TOGARAM2: variants seen among roughly 807,000 people sequenced by gnomAD.
TOGARAM2 encodes the protein TOG array regulator of axonemal microtubules 2.
A neutral mutation model predicts 93.3 loss-of-function variants in TOGARAM2; 85 were observed. The observed-to-expected ratio is 0.91, with a 90% CI of 0.76 to 1.09. TOGARAM2 has a LOEUF of 1.09. Among genes scored for constraint, TOGARAM2 ranks in the 50% least tolerant of loss-of-function variants. The pLI, the probability that TOGARAM2 is intolerant of heterozygous loss-of-function variation, is 0.00. For missense variants in TOGARAM2, 1,277 were observed against 1,334.5 expected, an observed-to-expected ratio of 0.96 and a Z score of 0.67; for synonymous variants, 593 against 552.8, an observed-to-expected ratio of 1.07 and a Z score of -1.02.
chr2:28,974,529 C>T (rs1312989780), intron 1 of TOGARAM2, among the ~76,000 whole-genome samples: 1 of 151,996 alleles, frequency 6.6e-6, no homozygotes, highest in African/African-American at 2.4e-5. Context: ...AGACCCACAC[C>T]CTTTCTCCTC....
At position 29,052,052 on chromosome 2, in the gene TOGARAM2, A is replaced by G. The variant is rs1306530276; in HGVS notation, c.3019A>G (p.Ser1007Gly). Residue 1007 changes from serine (S) to glycine (G), a missense_variant, in exon 20 of 20, where the codon AGC becomes GGC. Physicochemically the swap from Ser to Gly is moderately conservative, Grantham distance 56 (BLOSUM62 0). Transcript: ENST00000379558. Reference protein sequence around the residue: ...KATDRGVAPDSKTTGSSYPFQ... With the variant: ...KATDRGVAPDGKTTGSSYPFQ... ...CACTGACAGAGGGGTGGCCCCTGAC[A>G]GCAAGACAACTGGCAGCTCATACCC... The G allele has an allele frequency of 1.2e-6, 2 of 1,600,312 alleles. No individual in the cohort carries two copies. Among genetic ancestry groups the G allele is most frequent in the South Asian group, 1.1e-5 (1 of 90,732 alleles).
In TOGARAM2 at chr2:29,036,592, C is replaced by T. The variant is rs770365628; in HGVS notation, c.2470C>T (p.Gln824Ter). Reference protein sequence around the residue: ...RLQDSNKKVNQWALESFAKMI... With the variant: ...RLQDSNKKVN ...TCAGGATTCCAACAAGAAAGTGAAC[C>T]AGTGGGCGCTGGAGTCCTTCGCCAA... is the stretch of plus-strand genomic sequence containing the variant. Residue 824 changes from glutamine (Q) to a stop codon, truncating the protein, a stop_gained, in exon 18 of 20, where the codon CAG (glutamine) becomes TAG (stop). Coordinates refer to ENST00000379558, the MANE Select transcript of TOGARAM2 (RefSeq NM_199280.4). LOFTEE classifies it high-confidence loss of function. The T allele has an allele frequency of 6.2e-7, 1 of 1,614,010 alleles. No individual in the cohort carries two copies. Among genetic ancestry groups the T allele is most frequent in the South Asian group, 1.1e-5 (1 of 91,084 alleles).
intron 14 of TOGARAM2, among the ~76,000 whole-genome samples, chr2:29,030,952 C>A (rs370119946): frequency 3.3e-5 from 5 of 152,318 alleles, no homozygotes; most frequent in African/African-American, 1.2e-4. Context: ...CCAAGTCTGC[C>A]TCTCTGTGTT....
rs1414763286 is a variant in TOGARAM2 at position 29,036,657 on chromosome 2, G to A, written c.2535G>A (p.Leu845=). 9 of 1,613,884 alleles carry A rather than the reference G, an allele frequency of 5.6e-6. No individual in the cohort carries two copies. Among genetic ancestry groups the A allele is most frequent in the Non-Finnish European group, 7.6e-6 (9 of 1,179,896 alleles). Residue 845 remains leucine, a synonymous_variant, in exon 18 of 20, where the codon CTG becomes CTA. Transcript: ENST00000379558. ...PLLRESLHPM[L]LSIIITVADN... is the part of the protein sequence containing the mutation. ...TCAGAGAGAGCTTACACCCCATGCT[G>A]CTCTCCATCATCATCACTGTTGCAG...
intron 12 of TOGARAM2, among the ~76,000 whole-genome samples, chr2:29,023,629 G>A (rs945383377): frequency 3.3e-5 from 5 of 152,156 alleles, no homozygotes; most frequent in Admixed American, 2.6e-4. Flanking sequence ...CCTTGGGAGT[G>A]GGCTGCTCCA....
intron 3 of TOGARAM2, among the ~76,000 whole-genome samples, 166 bp from the exon 4 acceptor site, chr2:28,999,015 T>G (rs1232533033): frequency 6.6e-6 from 1 of 152,180 alleles, no homozygotes; most frequent in Non-Finnish European, 1.5e-5. Context: ...TCAGAGACAC[T>G]GTCGAATGAA....
At position 29,033,006 on chromosome 2, in the gene TOGARAM2, C is replaced by G; in HGVS notation, c.2085C>G (p.Leu695=). Residue 695 remains leucine, a synonymous_variant, in exon 15 of 20, where the codon CTC becomes CTG. Transcript: ENST00000379558. The stretch of plus-strand genomic sequence containing the variant: ...TTGATGCATTTCTGAAGCAATCTCT[C>G]CCATCTTACGACTTGCAGAAGGTCA... ...TKFDAFLKQS[L]PSYDLQKVMA... is the part of the protein sequence containing the mutation. 1 of 1,613,902 alleles carries G rather than the reference C, an allele frequency of 6.2e-7. No individual in the cohort carries two copies. Among genetic ancestry groups the G allele is most frequent in the Non-Finnish European group, 8.5e-7 (1 of 1,179,874 alleles).
At chr2:29,040,650 T>C (rs947840330) in intron 18 of TOGARAM2, among the ~76,000 whole-genome samples, 1 of 152,192 alleles carries the variant, frequency 6.6e-6, no homozygotes, top group South Asian at 2.1e-4. Context: ...ATACAGGGGA[T>C]TGAGGCCCTG....
chr2:29,006,125 G>C (rs1381948314), intron 6 of TOGARAM2, among the ~76,000 whole-genome samples: 1 of 48,904 alleles, frequency 2.0e-5, no homozygotes, highest in African/African-American at 5.5e-5. Flanking sequence ...ATATGTGTGT[G>C]CATGTGTGTG....
chr2:29,006,799 G>A (rs74627108), intron 6 of TOGARAM2, among the ~76,000 whole-genome samples: 10,093 of 151,956 alleles, frequency 0.066, 834 homozygotes, highest in African/African-American at 0.18. Context: ...ACTGACCTCC[G>A]CCTCCTCACC....
chr2:28,975,319 G>T (rs974382497), intron 1 of TOGARAM2, among the ~76,000 whole-genome samples: 2 of 151,984 alleles, frequency 1.3e-5, no homozygotes, highest in African/African-American at 4.8e-5. Flanking sequence ...CTCCTGAGTA[G>T]TTGGGACTAC....
At chr2:29,004,516 G>T (rs1217735520) in intron 6 of TOGARAM2, among the ~76,000 whole-genome samples, 1 of 152,204 alleles carries the variant, frequency 6.6e-6, no homozygotes, top group Non-Finnish European at 1.5e-5. Flanking sequence ...GCTCTAGATG[G>T]CCAGCAACAT....
intron 7 of TOGARAM2, among the ~76,000 whole-genome samples, chr2:29,012,329 G>A (rs1315841066): frequency 1.3e-5 from 2 of 152,182 alleles, no homozygotes; most frequent in Admixed American, 6.5e-5. Context: ...GGCAGTTGGC[G>A]AAGGGGGGTG....
intron 6 of TOGARAM2, among the ~76,000 whole-genome samples, chr2:29,006,116 TA>T (rs1386160298): frequency 2.0e-4 from 13 of 65,658 alleles, no homozygotes; most frequent in African/African-American, 5.5e-4. Context: ...GTGGAGTGCA[TA>T]TGTGTGTGCA....
At chr2:29,022,050 C>T (rs1664985151) in intron 10 of TOGARAM2, 108 bp from the exon 11 acceptor site, 1 of 1,448,520 alleles carries the variant, frequency 6.9e-7, no homozygotes, top group African/African-American at 1.4e-5. Flanking sequence ...GTTAGGTGGG[C>T]TCAGGGTGGT....
intron 6 of TOGARAM2, among the ~76,000 whole-genome samples, chr2:29,006,107 TG>T (rs202238064): frequency 0.67 from 95,196 of 142,638 alleles, 32,925 homozygotes; most frequent in Middle Eastern, 0.78. Context: ...TGCATGTGTG[TG>T]GAGTGCATAT....
intron 1 of TOGARAM2, among the ~76,000 whole-genome samples, chr2:28,989,232 G>A (rs1006299764): frequency 1.3e-5 from 2 of 151,820 alleles, no homozygotes; most frequent in African/African-American, 4.8e-5. Flanking sequence ...GTATTTTTTG[G>A]TAGAGATGGG....
In TOGARAM2 at chr2:29,017,248, C is replaced by T; in HGVS notation, c.1139C>T (p.Thr380Ile). The change falls in exon 9 of 20, where the codon ACA becomes ATA. Residue 380 changes from threonine to isoleucine, a missense_variant. By Grantham distance (89) the Thr-to-Ile change is moderately conservative (BLOSUM62 -1). Coordinates refer to ENST00000379558, the MANE Select transcript of TOGARAM2 (RefSeq NM_199280.4). ...ELLRRLEEPR[T>I]GQELTSQCLG... ...CTTCGGAGGCTGGAGGAGCCCAGGA[C>T]AGGGCAGGAGCTCACTTCCCAGTGC... is the stretch of plus-strand genomic sequence containing the variant. The T allele has an allele frequency of 6.2e-7, 1 of 1,613,936 alleles. No homozygotes were observed. Among genetic ancestry groups the T allele is most frequent in the Non-Finnish European group, 8.5e-7 (1 of 1,179,854 alleles).
At chr2:29,003,344 G>A in intron 5 of TOGARAM2, 148 bp from the exon 6 acceptor site, 1 of 543,460 alleles carries the variant, frequency 1.8e-6, no homozygotes, top group Non-Finnish European at 3.0e-6. Flanking sequence ...CACCAGGAGT[G>A]GTAAGGAAGC....
Sources: gnomAD v4.1 joint callset for allele counts (sites outside exome capture counted in the v4.1 genomes callset) on GRCh38, gnomAD v4.1.1 for gene constraint, MANE v1.5 for transcripts, NCBI Gene and HGNC (gene_info 2026-07-23, HGNC 2026-07-21) for gene names.